AGBL4: variants seen among roughly 807,000 people sequenced by gnomAD.
The protein encoded by AGBL4 is AGBL carboxypeptidase 4, also known as cytosolic carboxypeptidase 6.
AGBL4 carries 58 observed loss-of-function variants against 66.4 expected under a neutral mutation model. That is an observed-to-expected ratio of 0.87 (90% CI 0.71 to 1.09). The LOEUF (loss-of-function observed/expected upper bound fraction) is 1.09, where lower values mean the gene tolerates loss of function less well. AGBL4 is among the 50% of genes least tolerant of loss of function. The probability of loss-of-function intolerance (pLI) is 0.00; values close to 1 mark genes in which losing one functional copy is unlikely to be tolerated. For missense variants in AGBL4, 579 were observed against 631.0 expected (o/e 0.92, Z 0.88); for synonymous variants, 234 against 222.9 (o/e 1.05, Z -0.44).
chr1:48,935,995 A>G (rs939720432), intron 5 of AGBL4, among the ~76,000 whole-genome samples: 1 of 136,460 alleles, frequency 7.3e-6, no homozygotes, highest in Non-Finnish European at 1.6e-5. Context: ...AAAAAAAAAA[A>G]GATACAAGAT....
intron 5 of AGBL4, among the ~76,000 whole-genome samples, chr1:49,017,689 C>A (rs1662920478): frequency 6.6e-6 from 1 of 152,158 alleles, no homozygotes; most frequent in Non-Finnish European, 1.5e-5. Flanking sequence ...CTCACAATAA[C>A]TACCTCTGAG....
chr1:48,768,621 G>C (rs755438854), intron 6 of AGBL4, among the ~76,000 whole-genome samples: 3 of 152,162 alleles, frequency 2.0e-5, no homozygotes, highest in Non-Finnish European at 4.4e-5. Flanking sequence ...TTATTAAAAT[G>C]GGAGAAATTT....
chr1:48,587,170 T>G lies in AGBL4; in HGVS notation c.1105-4A>C, dbSNP rs1644836199. ...CCCGGTTAAAGGATGTGCTGGACTG[T>G]GAAAGACAGAGTAGGGAGGAGAGAA... On this transcript the variant is annotated splice_polypyrimidine_tract_variant and splice_region_variant and intron_variant, in intron 10 of 13. Transcript: ENST00000371839. The G allele has an allele frequency of 6.5e-7, 1 of 1,549,664 alleles. No individual in the cohort carries two copies. The highest frequency in any genetic ancestry group is 1.2e-5 in the South Asian group (1 of 83,568).
chr1:49,683,589 A>C (rs115742294), intron 3 of AGBL4, among the ~76,000 whole-genome samples: 1 of 152,204 alleles, frequency 6.6e-6, no homozygotes, highest in Non-Finnish European at 1.5e-5. Flanking sequence ...TAACCATGCT[A>C]TGTTAGCATC....
At chr1:49,663,031 T>C (rs1204639839) in intron 3 of AGBL4, among the ~76,000 whole-genome samples, 1 of 151,970 alleles carries the variant, frequency 6.6e-6, no homozygotes, top group Non-Finnish European at 1.5e-5. Context: ...CCAAGTGAAA[T>C]AGAGAAAACT....
chr1:49,773,770 G>A (rs1302640159), intron 2 of AGBL4, among the ~76,000 whole-genome samples: 3 of 152,224 alleles, frequency 2.0e-5, no homozygotes, highest in African/African-American at 7.2e-5. Context: ...CTCCAACGGA[G>A]TGGTGCTACT....
chr1:49,947,005 C>T lies in AGBL4; in HGVS notation c.34+76758G>A, dbSNP rs561352729. Among the ~76,000 whole-genome samples, 9 of 151,432 alleles carry T rather than the reference C, an allele frequency of 5.9e-5. No homozygotes were observed. The South Asian group carries it at 1.0e-3, about 18-fold the overall frequency. On this transcript the variant is annotated intron_variant, in intron 1 of 13. Transcript: ENST00000371839. ...GATACAACCCTCTTAGCTTAAATCA[C>T]GAAGAATTAGACACCCTGAACAGAC...
intron 3 of AGBL4, among the ~76,000 whole-genome samples, chr1:49,667,851 T>C (rs1335366634): frequency 6.6e-6 from 1 of 152,194 alleles, no homozygotes; most frequent in Non-Finnish European, 1.5e-5. Context: ...AACAGAGACA[T>C]GAAAGACCAA....
chr1:48,873,816 T>A (rs72891879), intron 5 of AGBL4, among the ~76,000 whole-genome samples: 1,987 of 152,198 alleles, frequency 0.013, 42 homozygotes, highest in African/African-American at 0.044. Context: ...CACAGAGAAT[T>A]TGGCCTTCTT....
intron 3 of AGBL4, among the ~76,000 whole-genome samples, chr1:49,600,078 T>C (rs923906375): frequency 6.6e-6 from 1 of 152,208 alleles, no homozygotes; most frequent in African/African-American, 2.4e-5. Flanking sequence ...GAGAAGAATG[T>C]ATATTCTGTT....
At chr1:48,625,463 A>T (rs1645488627) in intron 9 of AGBL4, among the ~76,000 whole-genome samples, 2 of 152,220 alleles carry the variant, frequency 1.3e-5, no homozygotes, top group Admixed American at 1.3e-4. Context: ...TAATAGAGTT[A>T]CAGTGTGTAG....
chr1:49,708,837 C>T (rs912917185), intron 2 of AGBL4, among the ~76,000 whole-genome samples: 6 of 152,118 alleles, frequency 3.9e-5, no homozygotes, highest in Non-Finnish European at 8.8e-5. Context: ...CTTGAGTATA[C>T]TGGAGGTCCA....
intron 5 of AGBL4, among the ~76,000 whole-genome samples, chr1:48,938,516 G>A (rs976569883): frequency 6.6e-6 from 1 of 152,110 alleles, no homozygotes; most frequent in African/African-American, 2.4e-5. Flanking sequence ...ACATTTAAAC[G>A]GGAATGATAA....
At chr1:48,547,392 G>A (rs968058618) in intron 11 of AGBL4, among the ~76,000 whole-genome samples, 3 of 152,070 alleles carry the variant, frequency 2.0e-5, no homozygotes, top group Admixed American at 1.3e-4. Context: ...CTTCCAAGTT[G>A]GATGTGGGGC....
At chr1:49,193,236 T>A (rs1647157019) in intron 4 of AGBL4, among the ~76,000 whole-genome samples, 1 of 152,030 alleles carries the variant, frequency 6.6e-6, no homozygotes, top group Non-Finnish European at 1.5e-5. Context: ...ATTTCTTTTT[T>A]TTTTCTGGTA....
intron 2 of AGBL4, among the ~76,000 whole-genome samples, chr1:49,742,793 A>C (rs903100260): frequency 2.6e-5 from 4 of 152,212 alleles, no homozygotes; most frequent in East Asian, 1.9e-4. Context: ...CAAAAACAAG[A>C]AATGGGGAAA....
At chr1:49,434,829 A>G (rs549325794) in intron 3 of AGBL4, among the ~76,000 whole-genome samples, 10 of 152,120 alleles carry the variant, frequency 6.6e-5, no homozygotes, top group Non-Finnish European at 1.3e-4. Context: ...ATGTCCCAAG[A>G]ACAAAATGAG....
intron 1 of AGBL4, among the ~76,000 whole-genome samples, chr1:49,876,940 CATT>C (rs1647027769): frequency 6.6e-6 from 1 of 151,536 alleles, no homozygotes; most frequent in Non-Finnish European, 1.5e-5. Flanking sequence ...GGAGTTCACT[CATT>C]ATTTGGCTCT....
At chr1:48,890,283 C>A (rs1042360531) in intron 5 of AGBL4, among the ~76,000 whole-genome samples, 1 of 152,180 alleles carries the variant, frequency 6.6e-6, no homozygotes, top group East Asian at 1.9e-4. Flanking sequence ...CAAGCTTCAA[C>A]TTGTGTCATC....
Sources: allele counts gnomAD v4.1 joint callset (sites outside exome capture counted in the v4.1 genomes callset), GRCh38; gene constraint gnomAD v4.1.1; transcripts MANE v1.5; gene names NCBI Gene and HGNC (gene_info 2026-07-23, HGNC 2026-07-21).